The following TNRC6B variants were observed in gnomAD, a reference collection of about 807,000 sequenced individuals.
TNRC6B encodes trinucleotide repeat containing adaptor 6B.
TNRC6B carries 52 observed loss-of-function variants against 203.6 expected under a neutral mutation model. That is an observed-to-expected ratio of 0.26 (90% CI 0.20 to 0.32). The LOEUF (loss-of-function observed/expected upper bound fraction) is 0.32. Ranked by LOEUF, TNRC6B falls within the 10% of genes least tolerant of loss-of-function variation. The pLI is 1.00. For synonymous variants in TNRC6B, 838 were observed against 845.7 expected (o/e 0.99, Z 0.16); for missense variants, 1,923 against 2,286.2 (o/e 0.84, Z 3.24).
At chr22:40,116,933 G>C (rs13057891) in intron 1 of TNRC6B, 1 of 152,340 alleles carries the variant, frequency 6.6e-6, no homozygotes, top group Non-Finnish European at 1.5e-5. Context: ...GTTGGGCTGC[G>C]GGCCTAGAAA....
At chr22:40,238,529 C>T (rs961463499) in intron 1 of TNRC6B, among the ~76,000 whole-genome samples, 1 of 152,182 alleles carries the variant, frequency 6.6e-6, no homozygotes, top group Non-Finnish European at 1.5e-5. Context: ...CCCTTACACC[C>T]TGTACTGCAT....
intron 2 of TNRC6B, among the ~76,000 whole-genome samples, chr22:40,248,177 G>A (rs1429465756): frequency 2.6e-5 from 4 of 152,144 alleles, no homozygotes; most frequent in Non-Finnish European, 4.4e-5. Flanking sequence ...GTTGCAGTAT[G>A]CAGGTCCACC....
chr22:40,204,416 C>G (rs2069452443), intron 1 of TNRC6B, among the ~76,000 whole-genome samples: 1 of 152,196 alleles, frequency 6.6e-6, no homozygotes, highest in Admixed American at 6.5e-5. Flanking sequence ...ATTCCAGATT[C>G]ATCCCCTGCC....
chr22:40,048,019 G>GA (rs541111497), intron 1 of TNRC6B, among the ~76,000 whole-genome samples: 20 of 152,110 alleles, frequency 1.3e-4, no homozygotes, highest in Non-Finnish European at 2.8e-4. Flanking sequence ...TGCGCGTTTT[G>GA]AAAAAATACT....
intron 1 of TNRC6B, among the ~76,000 whole-genome samples, chr22:40,198,356 T>C (rs1196996823): frequency 1.3e-5 from 2 of 152,182 alleles, no homozygotes; most frequent in East Asian, 1.9e-4. Context: ...TTTACATTAA[T>C]TCTTTTTAAT....
rs192079966 is a variant in TNRC6B at position 40,275,716 on chromosome 22, T to C, written c.3142-1361T>C. 5.5e-4 allele frequency among the ~76,000 whole-genome samples: 84 copies of C among 152,132 alleles called. No individual in the cohort carries two copies. The East Asian group carries it at 0.013, about 24-fold the overall frequency. Reference sequence around the variant, plus strand: ...GCTCATGCCTGTAATCCCAACACTTTGGGAGGCTGAGGCAGGTGAATCACC... The same window carrying C: ...GCTCATGCCTGTAATCCCAACACTTCGGGAGGCTGAGGCAGGTGAATCACC... On this transcript the variant is annotated intron_variant, in intron 7 of 22. Transcript: ENST00000454349.
intron 1 of TNRC6B, among the ~76,000 whole-genome samples, chr22:40,048,554 A>AG (rs2067714816): frequency 6.6e-6 from 1 of 152,068 alleles, no homozygotes. Flanking sequence ...AAAAAAAAAA[A>AG]AAAAATTTCC....
chr22:40,197,662 G>C (rs1292141380), intron 1 of TNRC6B, among the ~76,000 whole-genome samples: 1 of 150,414 alleles, frequency 6.6e-6, no homozygotes, highest in Non-Finnish European at 1.5e-5. Context: ...GAGTGCAGTG[G>C]TGCGATTCAT....
intron 4 of TNRC6B, 57 bp downstream of exon 4, chr22:40,262,230 T>C: frequency 1.5e-6 from 2 of 1,317,908 alleles, no homozygotes; most frequent in South Asian, 4.7e-5. Flanking sequence ...AGCACTTTGT[T>C]TGCATTGCTT....
intron 1 of TNRC6B, among the ~76,000 whole-genome samples, chr22:40,218,463 A>G (rs1269347937): frequency 6.7e-6 from 1 of 150,064 alleles, no homozygotes; most frequent in Non-Finnish European, 1.5e-5. Context: ...AGTAGCTGGG[A>G]GTAAAGGCAT....
At chr22:40,193,858 CA>C (rs113058620) in intron 1 of TNRC6B, among the ~76,000 whole-genome samples, 15 of 144,442 alleles carry the variant, frequency 1.0e-4, no homozygotes, top group African/African-American at 1.5e-4. Flanking sequence ...ACCCACCCTC[CA>C]AAAAAAAAAG....
intron 2 of TNRC6B, among the ~76,000 whole-genome samples, chr22:40,249,084 G>A (rs781016017): frequency 1.3e-5 from 2 of 152,136 alleles, no homozygotes; most frequent in Admixed American, 1.3e-4. Flanking sequence ...CATTCGGTCC[G>A]CAAACATTTG....
At chr22:40,152,579 T>C (rs1292846716) in intron 3 of TNRC6B, among the ~76,000 whole-genome samples, 7 of 151,996 alleles carry the variant, frequency 4.6e-5, no homozygotes, top group Non-Finnish European at 7.4e-5. Flanking sequence ...CCGCCCGCCT[T>C]GGCCTCCCAA....
At chr22:40,060,617 C>A (rs2067841326) in intron 1 of TNRC6B, among the ~76,000 whole-genome samples, 1 of 151,996 alleles carries the variant, frequency 6.6e-6, no homozygotes, top group Non-Finnish European at 1.5e-5. Context: ...CACACAGGGC[C>A]CAGCATATAG....
intron 7 of TNRC6B, among the ~76,000 whole-genome samples, chr22:40,274,994 A>G (rs1013702421): frequency 2.6e-5 from 4 of 152,206 alleles, no homozygotes; most frequent in Non-Finnish European, 5.9e-5. Context: ...CACAGCTAAT[A>G]TTCTCCCACG....
chr22:40,177,930 C>A lies in TNRC6B; in HGVS notation c.-206C>A. On this transcript the variant is annotated 5_prime_UTR_variant, in exon 1 of 23. Coordinates refer to ENST00000454349, the MANE Select transcript of TNRC6B (RefSeq NM_001162501.2). ...CACAAAAAGCTGCTTCCTTTAGAGA[C>A]AGAGAGGGAGAGAGAGAGCAAGAGG... 7.4e-7 allele frequency: 1 copy of A among 1,354,458 alleles called. No individual in the cohort carries two copies. The highest frequency in any genetic ancestry group is 9.5e-7 in the Non-Finnish European group (1 of 1,056,932). 83.9% of individuals were successfully genotyped at this position (1,354,458 alleles called of 1,614,324 possible).
chr22:40,083,359 C>A (rs1195596306), intron 1 of TNRC6B, among the ~76,000 whole-genome samples: 1 of 152,146 alleles, frequency 6.6e-6, no homozygotes, highest in African/African-American at 2.4e-5. Flanking sequence ...GAAAGGGTTA[C>A]ATGAACTATT....
chr22:40,149,663 C>T (rs1415364671), intron 3 of TNRC6B, among the ~76,000 whole-genome samples: 2 of 138,742 alleles, frequency 1.4e-5, no homozygotes, highest in East Asian at 2.0e-4. Context: ...AGCGAGACTC[C>T]GTCTCCCTCC....
intron 18 of TNRC6B, 44 bp downstream of exon 18, chr22:40,312,695 T>C (rs1353817593): frequency 2.5e-6 from 4 of 1,575,360 alleles, no homozygotes; most frequent in Non-Finnish European, 3.4e-6. Flanking sequence ...ACCCAGCATT[T>C]TCATAGTTGT....
Sources: gnomAD v4.1 joint callset for allele counts (sites outside exome capture counted in the v4.1 genomes callset) on GRCh38, gnomAD v4.1.1 for gene constraint, MANE v1.5 for transcripts, NCBI Gene and HGNC (gene_info 2026-07-23, HGNC 2026-07-21) for gene names.